The following CLDN10 variants were observed in gnomAD, a reference collection of about 807,000 sequenced individuals.
CLDN10 encodes claudin-10.
Under a neutral mutation model 22.9 loss-of-function variants are expected in CLDN10, and 15 were observed. The ratio of observed to expected loss-of-function variants is 0.65; its 90% CI spans 0.44 to 1.01. The LOEUF is 1.01. Among genes scored for constraint, CLDN10 ranks in the 50% least tolerant of loss-of-function variants. The probability of loss-of-function intolerance (pLI) is 0.00; values close to 1 mark genes in which losing one functional copy is unlikely to be tolerated. For synonymous variants in CLDN10, 114 were observed against 111.4 expected (o/e 1.02, Z -0.15); for missense variants, 247 against 287.8 (o/e 0.86, Z 1.03).
chr13:95,565,320 A>G (rs1337500448), intron 3 of CLDN10, among the ~76,000 whole-genome samples: 4 of 152,214 alleles, frequency 2.6e-5, no homozygotes. Context: ...ACATTAAGAA[A>G]CTTCTTTTCA....
chr13:95,480,076 C>CAA (rs1566292045), intron 1 of CLDN10: 1 of 152,162 alleles, frequency 6.6e-6, no homozygotes, highest in Non-Finnish European at 1.5e-5. Context: ...GAAGGAGGAA[C>CAA]GTCACATCCT....
At chr13:95,541,065 G>A (rs2043455267) in intron 1 of CLDN10, among the ~76,000 whole-genome samples, 1 of 152,244 alleles carries the variant, frequency 6.6e-6, no homozygotes, top group African/African-American at 2.4e-5. Context: ...AGCTGTGCAT[G>A]CTAAATCTGG....
At chr13:95,495,451 G>C (rs2042918774) in intron 1 of CLDN10, among the ~76,000 whole-genome samples, 1 of 151,256 alleles carries the variant, frequency 6.6e-6, no homozygotes, top group Non-Finnish European at 1.5e-5. Flanking sequence ...TTCCTAGAAA[G>C]AAATGAAGCT....
intron 1 of CLDN10, among the ~76,000 whole-genome samples, chr13:95,546,574 C>T (rs921765997): frequency 2.0e-5 from 3 of 152,106 alleles, no homozygotes; most frequent in Non-Finnish European, 4.4e-5. Flanking sequence ...CATTTTTAAC[C>T]CTGAAATAAT....
intron 1 of CLDN10, among the ~76,000 whole-genome samples, chr13:95,449,282 C>T (rs1447684539): frequency 1.3e-5 from 2 of 152,040 alleles, no homozygotes; most frequent in Non-Finnish European, 1.5e-5. Flanking sequence ...AACAGAATCT[C>T]GCTCTGTTGC....
chr13:95,552,485 C>G (rs142174339), upstream of CLDN10, among the ~76,000 whole-genome samples: 1 of 152,176 alleles, frequency 6.6e-6, no homozygotes, highest in African/African-American at 2.4e-5. Context: ...CTCAGGGGAG[C>G]GCAGGCCGGC....
At chr13:95,544,957 T>C (rs1158928609) in intron 1 of CLDN10, among the ~76,000 whole-genome samples, 1 of 151,532 alleles carries the variant, frequency 6.6e-6, no homozygotes, top group Non-Finnish European at 1.5e-5. Flanking sequence ...TTTGTATTTT[T>C]AGTGAAAACA....
intron 1 of CLDN10, among the ~76,000 whole-genome samples, chr13:95,535,071 T>C (rs926244258): frequency 2.0e-5 from 3 of 152,120 alleles, no homozygotes; most frequent in African/African-American, 7.2e-5. Flanking sequence ...AAAAAAGGCA[T>C]CCTGGGTGGA....
chr13:95,551,050 G>A (rs908198530), upstream of CLDN10, among the ~76,000 whole-genome samples: 3 of 151,966 alleles, frequency 2.0e-5, no homozygotes, highest in African/African-American at 4.8e-5. Flanking sequence ...ACAAGCTGGG[G>A]TTCAGAGCAG....
chr13:95,577,789 G>A, intron 4 of CLDN10, 111 bp from the exon 5 acceptor site: 1 of 633,056 alleles, frequency 1.6e-6, no homozygotes, highest in East Asian at 2.8e-5. Flanking sequence ...ATCTAAGAAA[G>A]AGGAAGATTT....
intron 1 of CLDN10, among the ~76,000 whole-genome samples, chr13:95,439,164 A>G (rs2042300637): frequency 6.6e-6 from 1 of 152,014 alleles, no homozygotes; most frequent in African/African-American, 2.4e-5. Flanking sequence ...ACAAAATACC[A>G]TAAACTGGGT....
At chr13:95,443,082 A>T (rs897849793) in intron 1 of CLDN10, among the ~76,000 whole-genome samples, 1 of 152,236 alleles carries the variant, frequency 6.6e-6, no homozygotes, top group Non-Finnish European at 1.5e-5. Context: ...TCCATTTTAT[A>T]TATAAAGCAG....
chr13:95,474,789 A>G (rs1050157394), intron 1 of CLDN10, among the ~76,000 whole-genome samples: 2 of 151,924 alleles, frequency 1.3e-5, no homozygotes, highest in African/African-American at 4.8e-5. Context: ...ACCTGGTAAG[A>G]TCTGCCTTTT....
chr13:95,493,316 G>A (rs1302274983), intron 1 of CLDN10, among the ~76,000 whole-genome samples: 1 of 151,708 alleles, frequency 6.6e-6, no homozygotes. Flanking sequence ...AAAAATACAT[G>A]TTATAACTTT....
intron 1 of CLDN10, chr13:95,497,202 G>A (rs1156747464): frequency 2.0e-5 from 3 of 151,822 alleles, no homozygotes; most frequent in African/African-American, 4.8e-5. Context: ...CTATTATATC[G>A]GTTATTAATA....
intron 1 of CLDN10, among the ~76,000 whole-genome samples, chr13:95,542,050 A>G (rs190763300): frequency 6.6e-6 from 1 of 152,342 alleles, no homozygotes; most frequent in East Asian, 1.9e-4. Context: ...CGGAAGATGA[A>G]GTGGAAGCTT....
At chr13:95,508,027 G>T (rs1458224104) in intron 1 of CLDN10, among the ~76,000 whole-genome samples, 1 of 152,076 alleles carries the variant, frequency 6.6e-6, no homozygotes, top group Non-Finnish European at 1.5e-5. Flanking sequence ...GGTGGAGGCT[G>T]CAGTGAGCCA....
At chr13:95,544,050 CT>C (rs2043485020) in intron 1 of CLDN10, among the ~76,000 whole-genome samples, 1 of 152,046 alleles carries the variant, frequency 6.6e-6, no homozygotes, top group Non-Finnish European at 1.5e-5. Flanking sequence ...ATCATATATC[CT>C]TTTTTGACTA....
At chr13:95,491,162 G>A (rs1250251481) in intron 1 of CLDN10, among the ~76,000 whole-genome samples, 6 of 152,166 alleles carry the variant, frequency 3.9e-5, no homozygotes, top group African/African-American at 1.4e-4. Flanking sequence ...TGTTAGGTGA[G>A]TCTTCTGAAG....
Sources: gnomAD v4.1 joint callset for allele counts (sites outside exome capture counted in the v4.1 genomes callset) on GRCh38, gnomAD v4.1.1 for gene constraint, MANE v1.5 for transcripts, NCBI Gene and HGNC (gene_info 2026-07-23, HGNC 2026-07-21) for gene names.